Variants in ITPR2 observed in about 807,000 individuals in gnomAD.
ITPR2 encodes the protein inositol 1,4,5-trisphosphate-gated calcium channel ITPR2.
ITPR2 carries 207 observed loss-of-function variants against 317.1 expected under a neutral mutation model. The observed-to-expected ratio is 0.65, with a 90% CI of 0.58 to 0.73. The LOEUF (loss-of-function observed/expected upper bound fraction) is 0.73. Among genes scored for constraint, ITPR2 ranks in the 30% least tolerant of loss-of-function variants. The pLI, the probability that ITPR2 is intolerant of heterozygous loss-of-function variation, is 0.00. For missense variants in ITPR2, 2,613 were observed against 3,284.0 expected (o/e 0.80, Z 4.99); for synonymous variants, 1,156 against 1,149.1 (o/e 1.01, Z -0.12).
chr12:26,691,668 C>G (rs569970290), intron 10 of ITPR2, among the ~76,000 whole-genome samples: 1 of 152,188 alleles, frequency 6.6e-6, no homozygotes, highest in African/African-American at 2.4e-5. Context: ...TGCAGGCATC[C>G]GCACAGCAGT....
At chr12:26,342,810 T>A (rs576209231) in intron 55 of ITPR2, among the ~76,000 whole-genome samples, 12 of 152,180 alleles carry the variant, frequency 7.9e-5, no homozygotes, top group African/African-American at 2.6e-4. Flanking sequence ...GGTTTCTTCA[T>A]GTTGGTCAGG....
At chr12:26,585,812 G>T (rs1406856211) in intron 32 of ITPR2, among the ~76,000 whole-genome samples, 1 of 152,178 alleles carries the variant, frequency 6.6e-6, no homozygotes, top group Non-Finnish European at 1.5e-5. Flanking sequence ...TAGAAAGGCT[G>T]CATGAAATTA....
At chr12:26,586,782 A>C (rs535320485) in intron 32 of ITPR2, among the ~76,000 whole-genome samples, 3 of 152,150 alleles carry the variant, frequency 2.0e-5, no homozygotes, top group African/African-American at 7.2e-5. Flanking sequence ...ATTCTAATAG[A>C]GTTTCTATTA....
chr12:26,762,047 A>G (rs1226273251), intron 2 of ITPR2, among the ~76,000 whole-genome samples: 1 of 152,214 alleles, frequency 6.6e-6, no homozygotes. Context: ...AGTCAAAGAA[A>G]CATGAGAAAA....
chr12:26,490,774 T>C (rs1414120745), intron 39 of ITPR2, among the ~76,000 whole-genome samples: 2 of 152,120 alleles, frequency 1.3e-5, no homozygotes, highest in Admixed American at 6.5e-5. Flanking sequence ...TATCGCGCCA[T>C]TGCACTCCAG....
At chr12:26,790,340 T>A in intron 1 of ITPR2, 113 bp from the exon 2 acceptor site, 1 of 763,290 alleles carries the variant, frequency 1.3e-6, no homozygotes, top group Non-Finnish European at 2.2e-6. Context: ...CTTTCTTCAC[T>A]AAGTAACTTT....
At chr12:26,466,191 T>C (rs900661376) in intron 45 of ITPR2, among the ~76,000 whole-genome samples, 2 of 152,194 alleles carry the variant, frequency 1.3e-5, no homozygotes, top group Admixed American at 1.3e-4. Context: ...ATCAGAAGTG[T>C]TGATCATTGT....
intron 52 of ITPR2, among the ~76,000 whole-genome samples, chr12:26,403,530 G>A (rs1159190483): frequency 6.6e-6 from 1 of 152,116 alleles, no homozygotes; most frequent in Non-Finnish European, 1.5e-5. Context: ...AAGGGGGAAT[G>A]TCATGTGAGC....
rs1257477535 is a variant in ITPR2 at position 26,494,213 on chromosome 12, A to C, written c.5310T>G (p.Ile1770Met). ...DVIVNTKNDRIFSEGIFLGIA... is the reference protein window; with the variant it reads ...DVIVNTKNDRMFSEGIFLGIA... The stretch of plus-strand genomic sequence containing the variant: ...TGCCGAGGAAAATGCCTTCTGAAAA[A>C]ATTCTGTCATTTTTGGTGTTCACTA... The change falls in exon 39 of 57, where the codon ATT becomes ATG. Residue 1770 changes from isoleucine (I) to methionine (M), a missense_variant. Physicochemically the swap from Ile to Met is conservative, Grantham distance 10. Around this residue, in one of 9 missense-constraint regions of ITPR2, gnomAD observed 926 missense variants for 1,072.8 expected, o/e 0.86. Coordinates refer to ENST00000381340, the MANE Select transcript of ITPR2 (RefSeq NM_002223.4). 2 of 1,613,106 alleles carry C rather than the reference A, an allele frequency of 1.2e-6. No individual in the cohort carries two copies. Among genetic ancestry groups the C allele is most frequent in the Non-Finnish European group, 1.7e-6 (2 of 1,179,576 alleles).
At chr12:26,491,699 T>C (rs896257287) in intron 39 of ITPR2, among the ~76,000 whole-genome samples, 3 of 151,930 alleles carry the variant, frequency 2.0e-5, no homozygotes, top group African/African-American at 4.8e-5. Context: ...ATCACAGAAG[T>C]TGGTCATCAG....
chr12:26,493,985 T>C, intron 39 of ITPR2, 168 bp downstream of exon 39: 1 of 531,488 alleles, frequency 1.9e-6, no homozygotes, highest in Non-Finnish European at 3.2e-6. Flanking sequence ...TGTGAAGCTC[T>C]GTAGTTTCTA....
chr12:26,676,314 T>C (rs950836371), intron 13 of ITPR2, among the ~76,000 whole-genome samples: 3 of 151,178 alleles, frequency 2.0e-5, no homozygotes, highest in Middle Eastern at 6.8e-3. Context: ...CTGTATCTAC[T>C]AAAAATACAA....
rs758328567 is a variant in ITPR2 at position 26,663,796 on chromosome 12, C to A, written c.1602G>T (p.Ser534=). The A allele has an allele frequency of 5.7e-5, 92 of 1,613,856 alleles. No homozygotes were observed. Among genetic ancestry groups the A allele is most frequent in the Non-Finnish European group, 7.5e-5 (88 of 1,179,922 alleles). ...APFKEKAGEG[S]MLRLEDLGDQ... ...CCCCCAGATCTTCAAGTCTCAGCAT[C>A]GAGCCTTCTCCTGCTTTCTCTTTAA... The change falls in exon 15 of 57, where the codon TCG becomes TCT. Residue 534 remains serine, a synonymous_variant. Coordinates refer to ENST00000381340, the MANE Select transcript of ITPR2 (RefSeq NM_002223.4).
chr12:26,415,549 G>A (rs960712023), intron 50 of ITPR2, 51 bp from the exon 51 acceptor site: 2 of 1,266,598 alleles, frequency 1.6e-6, no homozygotes, highest in Non-Finnish European at 2.1e-6. Context: ...TGGAGGAAAA[G>A]GTGAACAAAC....
intron 13 of ITPR2, among the ~76,000 whole-genome samples, chr12:26,671,453 T>G (rs1373255986): frequency 6.6e-6 from 1 of 152,018 alleles, no homozygotes; most frequent in South Asian, 2.1e-4. Flanking sequence ...CAAACTAAGC[T>G]TCATAAGTGA....
intron 49 of ITPR2, among the ~76,000 whole-genome samples, chr12:26,425,992 C>G (rs886649893): frequency 5.3e-5 from 8 of 152,176 alleles, no homozygotes; most frequent in African/African-American, 1.7e-4. Flanking sequence ...AATGTTATTC[C>G]TTATCTCTTT....
At chr12:26,826,088 A>G (rs1168106154) in intron 1 of ITPR2, among the ~76,000 whole-genome samples, 2 of 152,168 alleles carry the variant, frequency 1.3e-5, no homozygotes, top group Non-Finnish European at 2.9e-5. Flanking sequence ...CTTCATGTAC[A>G]AACTCCCCAC....
At chr12:26,556,656 T>C (rs1326993473) in intron 35 of ITPR2, among the ~76,000 whole-genome samples, 2 of 149,662 alleles carry the variant, frequency 1.3e-5, no homozygotes, top group African/African-American at 4.9e-5. Flanking sequence ...TATACACCTA[T>C]AGAGGAAAAG....
At chr12:26,463,779 G>A (rs190259711) in intron 45 of ITPR2, among the ~76,000 whole-genome samples, 97 of 152,112 alleles carry the variant, frequency 6.4e-4, no homozygotes, top group African/African-American at 2.2e-3. Flanking sequence ...ATATTTATAC[G>A]TAATTAGTCT....
Sources: gnomAD v4.1 joint callset for allele counts (sites outside exome capture counted in the v4.1 genomes callset) on GRCh38, gnomAD v4.1.1 for gene constraint, gnomAD v4.1.1 regional missense constraint, MANE v1.5 for transcripts, NCBI Gene and HGNC (gene_info 2026-07-23, HGNC 2026-07-21) for gene names.